TCF20: variants seen among roughly 807,000 people sequenced by gnomAD.
The protein encoded by TCF20 is SPRE-binding protein.
TCF20 carries 3 observed loss-of-function variants against 148.6 expected under a neutral mutation model. The observed-to-expected ratio is 0.02, with a 90% CI of 0.01 to 0.05. The LOEUF is 0.05. TCF20 is among the 10% of genes least tolerant of loss of function. TCF20 has a pLI of 1.00. For missense variants in TCF20, 2,350 were observed against 2,429.3 expected (o/e 0.97, Z 0.69); for synonymous variants, 1,049 against 909.5 (o/e 1.15, Z -2.76).
intron 1 of TCF20, among the ~76,000 whole-genome samples, chr22:42,308,556 A>G (rs1927476299): frequency 6.6e-6 from 1 of 152,142 alleles, no homozygotes; most frequent in Admixed American, 6.5e-5. Context: ...CCAACCCCAG[A>G]GTCTGGGCTT....
Position 42,290,018 on chromosome 22 carries a change from C to A in TCF20, c.-37+53461G>T, listed in dbSNP as rs968384436. On this transcript the variant is annotated intron_variant, in intron 1 of 1. Transcript: ENST00000515426. The surrounding 1 kb of genome is among the most constrained non-coding windows in gnomAD (Gnocchi z 4.2). ...CCTCGGCGTGTGCAGGCGGCCGGGG[C>A]GATGTTCCAGGAATATTAATTCTCC... Among the ~76,000 whole-genome samples, 1 of 152,246 alleles carries A rather than the reference C, an allele frequency of 6.6e-6. No individual in the cohort carries two copies. Among genetic ancestry groups the A allele is most frequent in the African/African-American group, 2.4e-5 (1 of 41,464 alleles).
At chr22:42,201,269 C>T (rs948657842) in intron 2 of TCF20, among the ~76,000 whole-genome samples, 2 of 152,198 alleles carry the variant, frequency 1.3e-5, no homozygotes, top group Admixed American at 6.5e-5. Flanking sequence ...CTTCATACAT[C>T]ACCCAGCCTC....
At chr22:42,318,945 GCC>G (rs1173206704) in intron 1 of TCF20, among the ~76,000 whole-genome samples, 7 of 152,160 alleles carry the variant, frequency 4.6e-5, no homozygotes, top group African/African-American at 2.4e-5. Flanking sequence ...GGAGCTTAGG[GCC>G]CTGGCACTGC....
chr22:42,160,231 AAAC>A lies in TCF20; in HGVS notation c.*1169_*1171del, dbSNP rs1214160075. 1 of 152,632 alleles carries A rather than the reference AAAC, an allele frequency of 6.6e-6. No homozygotes were observed. Among genetic ancestry groups the A allele is most frequent in the Non-Finnish European group, 1.5e-5 (1 of 68,032 alleles). 9.5% of individuals were successfully genotyped at this position (152,632 alleles called of 1,614,324 possible). On this transcript the variant is annotated 3_prime_UTR_variant, in exon 6 of 6. Coordinates refer to ENST00000677622, the MANE Select transcript of TCF20 (RefSeq NM_001378418.1). ...TAAAAATTATACAATTTACAAAACA[AAAC>A]AACACAACATAAAGAATCACGTAGC...
intron 1 of TCF20, among the ~76,000 whole-genome samples, chr22:42,309,548 C>T (rs923488026): frequency 6.6e-6 from 1 of 152,054 alleles, no homozygotes; most frequent in Non-Finnish European, 1.5e-5. Flanking sequence ...GCTTCCCCCT[C>T]CCCACATTCA....
intron 1 of TCF20, among the ~76,000 whole-genome samples, chr22:42,322,354 C>T (rs943324779): frequency 2.0e-5 from 3 of 151,800 alleles, no homozygotes; most frequent in Non-Finnish European, 2.9e-5. Flanking sequence ...AGGCTGGCTG[C>T]CAATCTGGCT....
chr22:42,254,915 G>T (rs1408734466), intron 1 of TCF20, among the ~76,000 whole-genome samples: 1 of 128,142 alleles, frequency 7.8e-6, no homozygotes, highest in Non-Finnish European at 1.6e-5. Context: ...AGAAGAGATG[G>T]CACCACTGCA....
intron 1 of TCF20, among the ~76,000 whole-genome samples, chr22:42,227,311 T>G (rs564654575): frequency 6.6e-6 from 1 of 152,276 alleles, no homozygotes; most frequent in Admixed American, 6.5e-5. Context: ...ACTTCAAATG[T>G]ACAGAAAAGT....
rs8138669 is a variant in TCF20, at chr22:42,315,814, G to A, written c.-37+27665C>T. On this transcript the variant is annotated intron_variant, in intron 1 of 1. Coordinates refer to the TCF20 transcript ENST00000515426. ...CATCCAGGCAGAGGGAACAGCAGGAGTAAAGATATAAAGACAAGGCTGGGC... is the reference window on the plus strand; with the variant it reads ...CATCCAGGCAGAGGGAACAGCAGGAATAAAGATATAAAGACAAGGCTGGGC... Among the ~76,000 whole-genome samples the A allele has an allele frequency of 5.7e-3, 864 of 152,254 alleles. 8 individuals are homozygous for A. The highest frequency in any genetic ancestry group is 0.02 in the African/African-American group (832 of 41,554).
intron 2 of TCF20, among the ~76,000 whole-genome samples, chr22:42,206,272 C>T (rs760789149): frequency 3.3e-5 from 5 of 152,130 alleles, no homozygotes; most frequent in Non-Finnish European, 7.4e-5. Context: ...AAGCAATAAA[C>T]AGGCTGGGCG....
At chr22:42,316,501 A>G (rs933851926) in intron 1 of TCF20, among the ~76,000 whole-genome samples, 12 of 152,154 alleles carry the variant, frequency 7.9e-5, no homozygotes, top group African/African-American at 2.2e-4. Flanking sequence ...GAGAAGGGCG[A>G]GGTGGGCAGA....
At chr22:42,186,390 GAAA>G (rs1937048487) in intron 2 of TCF20, among the ~76,000 whole-genome samples, 1 of 152,104 alleles carries the variant, frequency 6.6e-6, no homozygotes, top group Non-Finnish European at 1.5e-5. Context: ...TTACAAACTA[GAAA>G]GTTATGTAAT....
intron 2 of TCF20, among the ~76,000 whole-genome samples, chr22:42,185,892 C>T (rs953731135): frequency 1.3e-5 from 2 of 152,178 alleles, no homozygotes; most frequent in South Asian, 2.1e-4. Context: ...ACCTGCACCA[C>T]GGCCCAGTAC....
At chr22:42,291,878 G>A (rs1927139525) in intron 1 of TCF20, among the ~76,000 whole-genome samples, 1 of 152,102 alleles carries the variant, frequency 6.6e-6, no homozygotes. Flanking sequence ...GCGTGAGGGG[G>A]TGGGGCCCTA....
chr22:42,168,790 A>C, intron 4 of TCF20, 54 bp from the exon 5 acceptor site: 1 of 1,537,536 alleles, frequency 6.5e-7, no homozygotes, highest in Non-Finnish European at 8.8e-7. Context: ...ACAGTGCAGA[A>C]ATCAGGGAGG....
At chr22:42,167,221 C>CA (rs1417988791) in intron 5 of TCF20, among the ~76,000 whole-genome samples, 1 of 152,308 alleles carries the variant, frequency 6.6e-6, no homozygotes, top group East Asian at 1.9e-4. Flanking sequence ...AGAAAGGCAC[C>CA]ACACTCAACG....
chr22:42,253,855 T>C (rs754804470), intron 1 of TCF20, among the ~76,000 whole-genome samples: 34 of 152,164 alleles, frequency 2.2e-4, no homozygotes, highest in Non-Finnish European at 1.8e-4. Context: ...GGCAGGAGAA[T>C]CACCTGAGGT....
At chr22:42,235,535 A>G (rs763325430) in intron 1 of TCF20, among the ~76,000 whole-genome samples, 1 of 152,214 alleles carries the variant, frequency 6.6e-6, no homozygotes, top group South Asian at 2.1e-4. Context: ...TAGAAATAGG[A>G]TTTTATTTTA....
chr22:42,313,595 TTC>T (rs1320070539), intron 1 of TCF20, among the ~76,000 whole-genome samples: 2 of 122,540 alleles, frequency 1.6e-5, no homozygotes, highest in African/African-American at 3.5e-5. Flanking sequence ...ACAGAATTCT[TTC>T]TTTTTTTTTT....
Sources: gnomAD v4.1 joint callset for allele counts (sites outside exome capture counted in the v4.1 genomes callset) on GRCh38, gnomAD v4.1.1 for gene constraint, Gnocchi (gnomAD v3.1) non-coding constraint, MANE v1.5 for transcripts, NCBI Gene and HGNC (gene_info 2026-07-23, HGNC 2026-07-21) for gene names.